Variants in GOLM2 observed in about 807,000 individuals in gnomAD.
The protein encoded by GOLM2 is golgi membrane protein 2.
Under a neutral mutation model 55.9 loss-of-function variants are expected in GOLM2, and 26 were observed. The ratio of observed to expected loss-of-function variants is 0.47; its 90% CI spans 0.34 to 0.65. The LOEUF (loss-of-function observed/expected upper bound fraction) is 0.65. Ranked by LOEUF, GOLM2 falls within the 30% of genes least tolerant of loss-of-function variation. The pLI, the probability that GOLM2 is intolerant of heterozygous loss-of-function variation, is 0.01. For missense variants in GOLM2, 486 were observed against 531.8 expected, an observed-to-expected ratio of 0.91 and a Z score of 0.85; for synonymous variants, 165 against 194.6, an observed-to-expected ratio of 0.85 and a Z score of 1.27.
chr15:44,388,950 G>A (rs1420603922), intron 8 of GOLM2, among the ~76,000 whole-genome samples: 1 of 151,882 alleles, frequency 6.6e-6, no homozygotes, highest in Non-Finnish European at 1.5e-5. Context: ...CAAGTAGCTG[G>A]GACTACAGAC....
At chr15:44,341,781 C>T (rs773924852) in intron 6 of GOLM2, among the ~76,000 whole-genome samples, 139 of 149,050 alleles carry the variant, frequency 9.3e-4, no homozygotes, top group African/African-American at 3.4e-3. Flanking sequence ...ACTGCATCCT[C>T]GGCCTCCCGG....
chr15:44,365,606 AC>A (rs1258637257), intron 6 of GOLM2, among the ~76,000 whole-genome samples: 2 of 152,230 alleles, frequency 1.3e-5, no homozygotes, highest in Admixed American at 1.3e-4. Flanking sequence ...TATAATTACA[AC>A]TATAGATATT....
chr15:44,347,815 G>A lies in GOLM2; in HGVS notation c.802+9498G>A, dbSNP rs190385627. On this transcript the variant is annotated intron_variant, in intron 6 of 9. Coordinates refer to ENST00000299957, the MANE Select transcript of GOLM2 (RefSeq NM_138423.4). ...AAAGAGACCCCTTCCTTCTGTTTGC[G>A]GACAGGAAAGGGAAGAGTAAAGAGG... 4.5e-3 allele frequency among the ~76,000 whole-genome samples: 682 copies of A among 152,218 alleles called. 4 individuals are homozygous for A. The highest frequency in any genetic ancestry group is 0.016 in the African/African-American group (649 of 41,534).
At chr15:44,304,592 T>TCACTTAGCATA (rs1376506576) in intron 1 of GOLM2, among the ~76,000 whole-genome samples, 27 of 152,138 alleles carry the variant, frequency 1.8e-4, no homozygotes, top group African/African-American at 6.3e-4. Context: ...TCTTACTCAG[T>TCACTTAGCATA]CACTTAGGCT....
intron 8 of GOLM2, 102 bp from the exon 9 acceptor site, chr15:44,402,785 A>C (rs771183529): frequency 1.1e-5 from 12 of 1,124,736 alleles, no homozygotes; most frequent in Admixed American, 2.3e-5. Context: ...GTACCCCAAA[A>C]GTTGCCAGCT....
At chr15:44,333,862 C>A (rs1356629651) in intron 4 of GOLM2, among the ~76,000 whole-genome samples, 1 of 152,018 alleles carries the variant, frequency 6.6e-6, no homozygotes, top group Non-Finnish European at 1.5e-5. Flanking sequence ...ACTACAGGCA[C>A]CTGCCACCAC....
intron 6 of GOLM2, among the ~76,000 whole-genome samples, chr15:44,378,588 ACT>A (rs1459072311): frequency 6.7e-6 from 1 of 149,548 alleles, no homozygotes; most frequent in Admixed American, 6.7e-5. Context: ...ACAGAGCAAG[ACT>A]CTGTCTCAAA....
intron 6 of GOLM2, among the ~76,000 whole-genome samples, chr15:44,343,247 C>T (rs1472969004): frequency 6.6e-6 from 1 of 150,828 alleles, no homozygotes; most frequent in South Asian, 2.1e-4. Context: ...GCAGGAGAAT[C>T]GCTAGAATCC....
At chr15:44,361,938 A>T (rs891735160) in intron 6 of GOLM2, among the ~76,000 whole-genome samples, 8 of 152,234 alleles carry the variant, frequency 5.3e-5, no homozygotes, top group African/African-American at 1.9e-4. Flanking sequence ...GCCAAAGACA[A>T]AAACCACGTG....
chr15:44,412,975 C>G (rs1198022973), intron 9 of GOLM2, among the ~76,000 whole-genome samples: 1 of 151,530 alleles, frequency 6.6e-6, no homozygotes, highest in African/African-American at 2.4e-5. Flanking sequence ...TGCACTCCAG[C>G]CTAGGCAACG....
chr15:44,384,620 G>A (rs1003677633), intron 8 of GOLM2, among the ~76,000 whole-genome samples: 5 of 152,120 alleles, frequency 3.3e-5, no homozygotes, highest in South Asian at 2.1e-4. Context: ...GGTGGCGGGC[G>A]CCTGTAGTCC....
chr15:44,357,850 G>A (rs1474639129), intron 6 of GOLM2, among the ~76,000 whole-genome samples: 1 of 152,158 alleles, frequency 6.6e-6, no homozygotes, highest in African/African-American at 2.4e-5. Flanking sequence ...TAAAATGTGT[G>A]AAAGGTCTAT....
intron 6 of GOLM2, among the ~76,000 whole-genome samples, chr15:44,339,400 G>A (rs1165033344): frequency 1.3e-5 from 2 of 151,762 alleles, no homozygotes; most frequent in Admixed American, 6.6e-5. Flanking sequence ...GTGCGGTGGC[G>A]TGATCTTGTT....
intron 9 of GOLM2, chr15:44,409,547 C>G (rs1404649360): frequency 7.4e-6 from 1 of 135,378 alleles, no homozygotes. Context: ...CGAGATCTCG[C>G]CATTGCACTA....
chr15:44,412,769 G>A (rs766828793), intron 9 of GOLM2, among the ~76,000 whole-genome samples: 6 of 152,038 alleles, frequency 3.9e-5, no homozygotes, highest in African/African-American at 1.4e-4. Flanking sequence ...TTAGGAGGCC[G>A]AGGTGGGCAG....
At chr15:44,299,499 G>C (rs2078781829) in intron 1 of GOLM2, among the ~76,000 whole-genome samples, 1 of 151,766 alleles carries the variant, frequency 6.6e-6, no homozygotes, top group African/African-American at 2.4e-5. Context: ...CACCATATTG[G>C]CCAGGCTGGT....
At chr15:44,386,861 C>A (rs2079448720) in intron 8 of GOLM2, among the ~76,000 whole-genome samples, 1 of 150,504 alleles carries the variant, frequency 6.6e-6, no homozygotes, top group African/African-American at 2.4e-5. Flanking sequence ...ACAAAGTGAG[C>A]CCTGTCTCTG....
At chr15:44,413,235 A>G (rs1242546952) in intron 9 of GOLM2, 101 bp from the exon 10 acceptor site, 1 of 769,494 alleles carries the variant, frequency 1.3e-6, no homozygotes, top group Admixed American at 2.7e-5. Context: ...TAAAATAACA[A>G]GCAGGAAACT....
At chr15:44,323,172 T>C (rs2078962616) in intron 2 of GOLM2, among the ~76,000 whole-genome samples, 153 bp downstream of exon 2, 1 of 152,184 alleles carries the variant, frequency 6.6e-6, no homozygotes, top group Non-Finnish European at 1.5e-5. Context: ...CCTTAAGATA[T>C]AATAAATTAT....
Sources: allele counts gnomAD v4.1 joint callset (sites outside exome capture counted in the v4.1 genomes callset), GRCh38; gene constraint gnomAD v4.1.1; transcripts MANE v1.5; gene names NCBI Gene and HGNC (gene_info 2026-07-23, HGNC 2026-07-21).